SCN1A: variants seen among roughly 807,000 people sequenced by gnomAD.
SCN1A encodes sodium channel protein type 1 subunit alpha.
Under a neutral mutation model 193.7 loss-of-function variants are expected in SCN1A, and 13 were observed. The observed-to-expected ratio is 0.07, with a 90% CI of 0.04 to 0.11. SCN1A has a LOEUF of 0.11. Ranked by LOEUF, SCN1A falls within the 10% of genes least tolerant of loss-of-function variation. SCN1A has a pLI of 1.00. For missense variants in SCN1A, 1,432 were observed against 2,451.1 expected, an observed-to-expected ratio of 0.58 and a Z score of 8.78; for synonymous variants, 781 against 843.6, an observed-to-expected ratio of 0.93 and a Z score of 1.29.
Position 166,058,676 on chromosome 2 carries a change from A to T in SCN1A, c.277T>A (p.Leu93Met). The change falls in exon 5 of 29, where the codon TTG becomes ATG. Residue 93 changes from leucine to methionine, a missense_variant. Leu to Met is a conservative substitution (Grantham distance 15). This residue lies in a region of SCN1A where 123 missense variants were observed against 282.8 expected (regional missense o/e 0.43). Transcript: ENST00000674923. ...YYINKKTFIV[L>M]NKGKAIFRFS... ...CGGAAGATGGCCTTCCCTTTATTCA[A>T]TACTATAAAAGTCTGTAAGACAGGA... 3 of 1,593,804 alleles carry T rather than the reference A, an allele frequency of 1.9e-6. No homozygotes were observed. Among genetic ancestry groups the T allele is most frequent in the Non-Finnish European group, 2.6e-6 (3 of 1,161,692 alleles).
chr2:166,038,006 C>A lies in SCN1A; in HGVS notation c.2716G>T (p.Val906Leu). ...VLAIIVFIFA[V>L]VGMQLFGKSY... ...TTACCAAAGAGCTGCATGCCGACCA[C>A]GGCAAAAATGAAGACGATGATGGCC... is the stretch of plus-strand genomic sequence containing the variant. Residue 906 changes from valine to leucine, a missense_variant, in exon 18 of 29, where the codon GTG (valine) becomes TTG (leucine). By Grantham distance (32) the Val-to-Leu change is conservative. Around this residue, in one of 18 missense-constraint regions of SCN1A, gnomAD observed 93 missense variants for 260.4 expected, o/e 0.36. Coordinates refer to ENST00000674923, the MANE Select transcript of SCN1A (RefSeq NM_001165963.4). The A allele has an allele frequency of 6.2e-7, 1 of 1,614,178 alleles. No homozygotes were observed. The highest frequency in any genetic ancestry group is 8.5e-7 in the Non-Finnish European group (1 of 1,180,036).
intron 2 of SCN1A, among the ~76,000 whole-genome samples, chr2:166,097,558 T>C (rs1274835496): frequency 6.6e-6 from 1 of 151,900 alleles, no homozygotes; most frequent in Non-Finnish European, 1.5e-5. Flanking sequence ...AGATATAAAA[T>C]TATATTTGGT....
At chr2:166,110,373 A>G (rs1689164330) in intron 2 of SCN1A, among the ~76,000 whole-genome samples, 1 of 152,184 alleles carries the variant, frequency 6.6e-6, no homozygotes, top group Non-Finnish European at 1.5e-5. Flanking sequence ...ATATTCTTAA[A>G]TATTCTTGAA....
intron 2 of SCN1A, among the ~76,000 whole-genome samples, chr2:166,120,159 A>AT (rs71395206): frequency 2.4e-3 from 355 of 148,316 alleles, no homozygotes; most frequent in African/African-American, 4.0e-3. Context: ...TTCTATTTAA[A>AT]TTTTTTTTTT....
At position 166,101,620 on chromosome 2, in the gene SCN1A, CA is replaced by C. The variant is rs1688093381; in HGVS notation, c.-141-23820del. On this transcript the variant is annotated intron_variant, in intron 2 of 28. Coordinates refer to ENST00000674923, the MANE Select transcript of SCN1A (RefSeq NM_001165963.4). Reference sequence around the variant, plus strand: ...CTTGAACACAATCGATAATAGCAAGCAAGGCAGAAAAGACTCCCTGTTAAAT... The same window carrying C: ...CTTGAACACAATCGATAATAGCAAGCAGGCAGAAAAGACTCCCTGTTAAAT... Among the ~76,000 whole-genome samples, 3 of 151,782 alleles carry C rather than the reference CA, an allele frequency of 2.0e-5. No homozygotes were observed. In the South Asian group the frequency reaches 6.2e-4, roughly 32 times the overall value.
upstream of SCN1A, among the ~76,000 whole-genome samples, chr2:166,130,510 G>A (rs1337782690): frequency 1.3e-5 from 2 of 152,096 alleles, no homozygotes; most frequent in Non-Finnish European, 2.9e-5. Context: ...TAGCAAATTC[G>A]GCGGATATTT....
intron 19 of SCN1A, among the ~76,000 whole-genome samples, chr2:166,023,648 A>C (rs1694353680): frequency 6.6e-6 from 1 of 152,136 alleles, no homozygotes; most frequent in Non-Finnish European, 1.5e-5. Context: ...GAGGAAGTTC[A>C]GAGTGGGTAT....
At position 166,078,205 on chromosome 2, in the gene SCN1A, A is replaced by G. The variant is rs1685163706; in HGVS notation, c.-141-404T>C. Among the ~76,000 whole-genome samples the G allele has an allele frequency of 2.0e-5, 3 of 151,800 alleles. No homozygotes were observed. In the South Asian group the frequency reaches 6.2e-4, roughly 31 times the overall value. On this transcript the variant is annotated intron_variant, in intron 2 of 28. Coordinates refer to ENST00000674923, the MANE Select transcript of SCN1A (RefSeq NM_001165963.4). Reference sequence around the variant, plus strand: ...TATCAAATTGGGTTCATCAGTTGTAACTATATACAATACCTAAACACTGTC... The same window carrying G: ...TATCAAATTGGGTTCATCAGTTGTAGCTATATACAATACCTAAACACTGTC...
chr2:166,119,039 G>A (rs1397062665), intron 2 of SCN1A, among the ~76,000 whole-genome samples: 2 of 152,118 alleles, frequency 1.3e-5, no homozygotes, highest in East Asian at 3.9e-4. Flanking sequence ...TCACAATAGG[G>A]TTTGTGCTCC....
chr2:166,110,464 G>A (rs1168277336), intron 2 of SCN1A, among the ~76,000 whole-genome samples: 1 of 152,134 alleles, frequency 6.6e-6, no homozygotes, highest in Non-Finnish European at 1.5e-5. Context: ...AAGAAAGTCT[G>A]AACAAAAGAT....
intron 2 of SCN1A, among the ~76,000 whole-genome samples, chr2:166,089,205 C>T (rs950286827): frequency 6.6e-6 from 1 of 151,908 alleles, no homozygotes; most frequent in Non-Finnish European, 1.5e-5. Flanking sequence ...ATATTCCCTT[C>T]CCTGTGTCCA....
chr2:165,991,125 A>G lies in SCN1A; in HGVS notation c.*120T>C. Reference sequence around the variant, plus strand: ...CTTATTGTAGGCACTGACCTTAAGGAGATTTGTGTAAAAACAGTCAGTTTG... The same window carrying G: ...CTTATTGTAGGCACTGACCTTAAGGGGATTTGTGTAAAAACAGTCAGTTTG... On this transcript the variant is annotated 3_prime_UTR_variant, in exon 29 of 29. Transcript: ENST00000674923. 1.2e-6 allele frequency: 1 copy of G among 855,076 alleles called. No homozygotes were observed. The highest frequency in any genetic ancestry group is 1.8e-6 in the Non-Finnish European group (1 of 549,148). The allele number at this position is 855,076 out of a possible 1,614,324, so 53.0% of individuals were successfully genotyped here. A position where few individuals can be genotyped will look rare whatever the true frequency, so the allele number is the denominator to read the frequency against.
chr2:166,082,882 A>G (rs955797184), intron 2 of SCN1A, among the ~76,000 whole-genome samples: 6 of 152,106 alleles, frequency 3.9e-5, no homozygotes, highest in African/African-American at 9.7e-5. Context: ...AGAGAAACCA[A>G]AAAGACTTCT....
intron 4 of SCN1A, among the ~76,000 whole-genome samples, chr2:166,072,837 C>CTTTTTTTTTTTT (rs796420549): frequency 4.2e-5 from 5 of 119,444 alleles, no homozygotes; most frequent in African/African-American, 9.3e-5. Flanking sequence ...TCTCTTCTTT[C>CTTTTTTTTTTTT]TTTTTTTTTT....
At chr2:166,125,650 G>T (rs1691158074) in intron 2 of SCN1A, among the ~76,000 whole-genome samples, 1 of 152,130 alleles carries the variant, frequency 6.6e-6, no homozygotes, top group African/African-American at 2.4e-5. Context: ...TGTTGGTGGT[G>T]ATAGAGTTTA....
intron 2 of SCN1A, among the ~76,000 whole-genome samples, chr2:166,082,155 G>T (rs1685593756): frequency 6.6e-6 from 1 of 151,882 alleles, no homozygotes. Flanking sequence ...AAATGGCAAA[G>T]ATTTAAAAAA....
intron 19 of SCN1A, among the ~76,000 whole-genome samples, chr2:166,027,863 A>G (rs1695015649): frequency 6.6e-6 from 1 of 152,134 alleles, no homozygotes. Context: ...AATGACCCCT[A>G]TTAAAGACTC....
intron 12 of SCN1A, 94 bp from the exon 13 acceptor site, chr2:166,045,421 T>A: frequency 2.2e-6 from 3 of 1,351,918 alleles, no homozygotes; most frequent in Non-Finnish European, 3.1e-6. Flanking sequence ...TTAAAAAATA[T>A]ATTGAACTGA....
intron 19 of SCN1A, among the ~76,000 whole-genome samples, chr2:166,025,380 C>A (rs536744): frequency 0.26 from 39,912 of 152,090 alleles, 5,611 homozygotes; most frequent in Middle Eastern, 0.48. Context: ...GGCCACATGG[C>A]TGCTGTATGC....
Sources: allele counts gnomAD v4.1 joint callset (sites outside exome capture counted in the v4.1 genomes callset), GRCh38; gene constraint gnomAD v4.1.1; regional missense constraint gnomAD v4.1.1; transcripts MANE v1.5; gene names NCBI Gene and HGNC (gene_info 2026-07-23, HGNC 2026-07-21).